Variants in DLGAP2 observed in about 807,000 individuals in gnomAD.
DLGAP2 encodes disks large-associated protein 2.
A neutral mutation model predicts 100.3 loss-of-function variants in DLGAP2; 26 were observed. The ratio of observed to expected loss-of-function variants is 0.26; its 90% CI spans 0.19 to 0.36. The LOEUF is 0.36. DLGAP2 is among the 10% of genes least tolerant of loss of function. DLGAP2 has a pLI of 1.00. For missense variants in DLGAP2, 1,858 were observed against 1,453.2 expected, an observed-to-expected ratio of 1.28 and a Z score of -4.53; for synonymous variants, 886 against 630.1, an observed-to-expected ratio of 1.41 and a Z score of -6.08.
intron 3 of DLGAP2, among the ~76,000 whole-genome samples, chr8:1,493,401 C>T (rs558752676): frequency 2.0e-5 from 3 of 152,044 alleles, no homozygotes; most frequent in East Asian, 1.9e-4. Flanking sequence ...CTCTGTGGAC[C>T]GAGCGCATAG....
At chr8:1,558,670 C>T (rs549522723) in intron 5 of DLGAP2, among the ~76,000 whole-genome samples, 2 of 151,376 alleles carry the variant, frequency 1.3e-5, no homozygotes, top group Admixed American at 6.6e-5. Flanking sequence ...TGCACATAGG[C>T]ATGCATGCAC....
chr8:1,104,626 G>C (rs1804695626), intron 2 of DLGAP2, among the ~76,000 whole-genome samples: 1 of 152,228 alleles, frequency 6.6e-6, no homozygotes, highest in South Asian at 2.1e-4. Context: ...TCCTTGGGCT[G>C]CTCCAGGAAA....
In DLGAP2 at chr8:1,413,298, G is replaced by A. The variant is rs78297947; in HGVS notation, c.107-88068G>A. Reference sequence around the variant, plus strand: ...CATAAAGATAGAAGGATGGGAAGCAGAATGAATAAATGGATAGATATTTTC... The same window carrying A: ...CATAAAGATAGAAGGATGGGAAGCAAAATGAATAAATGGATAGATATTTTC... On this transcript the variant is annotated intron_variant, in intron 3 of 14. Coordinates refer to ENST00000637795, the MANE Select transcript of DLGAP2 (RefSeq NM_001346810.2). Among the ~76,000 whole-genome samples, 533 of 152,276 alleles carry A rather than the reference G, an allele frequency of 3.5e-3. 10 individuals are homozygous for A. In the East Asian group the frequency reaches 0.047, roughly 14 times the overall value.
At position 1,418,871 on chromosome 8, in the gene DLGAP2, A is replaced by G. The variant is rs146659977; in HGVS notation, c.107-82495A>G. Reference sequence around the variant, plus strand: ...AAGTCTGGCTTCTGGCCCGCTGGCTAGAGATCATGGGTTCCCATGGCTCTA... The same window carrying G: ...AAGTCTGGCTTCTGGCCCGCTGGCTGGAGATCATGGGTTCCCATGGCTCTA... On this transcript the variant is annotated intron_variant, in intron 3 of 14. Coordinates refer to ENST00000637795, the MANE Select transcript of DLGAP2 (RefSeq NM_001346810.2). Among the ~76,000 whole-genome samples, 156 of 152,280 alleles carry G rather than the reference A, an allele frequency of 1.0e-3. No homozygotes were observed. The East Asian group carries it at 0.016, about 16-fold the overall frequency.
chr8:1,625,059 T>C (rs1797457733), intron 6 of DLGAP2, among the ~76,000 whole-genome samples: 1 of 152,236 alleles, frequency 6.6e-6, no homozygotes, highest in Admixed American at 6.5e-5. Flanking sequence ...TGATATTCCA[T>C]TTTTAAAGAC....
intron 2 of DLGAP2, among the ~76,000 whole-genome samples, chr8:1,242,782 A>G (rs540081469): frequency 1.9e-4 from 29 of 152,072 alleles, no homozygotes; most frequent in African/African-American, 7.0e-4. Flanking sequence ...ATGGATGGAT[A>G]GACGGACAGA....
At chr8:1,197,296 C>A (rs1003875182) in intron 2 of DLGAP2, among the ~76,000 whole-genome samples, 2 of 131,028 alleles carry the variant, frequency 1.5e-5, no homozygotes, top group Non-Finnish European at 3.3e-5. Flanking sequence ...ATCACTTATC[C>A]CTGTCCATGC....
intron 2 of DLGAP2, among the ~76,000 whole-genome samples, chr8:1,020,472 G>T (rs1363697441): frequency 6.6e-6 from 1 of 152,182 alleles, no homozygotes; most frequent in Non-Finnish European, 1.5e-5. Flanking sequence ...TCTTTTACAT[G>T]TATTATCGCA....
chr8:1,210,640 C>A (rs957220219), intron 2 of DLGAP2, among the ~76,000 whole-genome samples: 1 of 152,198 alleles, frequency 6.6e-6, no homozygotes, highest in Non-Finnish European at 1.5e-5. Flanking sequence ...TCCCTCTTGC[C>A]ATGGCTACTG....
intron 8 of DLGAP2, among the ~76,000 whole-genome samples, chr8:1,663,127 G>T (rs113589119): frequency 1.8e-4 from 19 of 106,028 alleles, no homozygotes; most frequent in South Asian, 1.0e-3. Context: ...CAGTGTGGGG[G>T]GTGTGTGTGT....
chr8:1,528,077 C>CGTGGCTTCCAGCCACTGCACGGCA (rs1800854744), intron 4 of DLGAP2, among the ~76,000 whole-genome samples: 1 of 152,234 alleles, frequency 6.6e-6, no homozygotes, highest in Admixed American at 6.5e-5. Context: ...CCATCAATAA[C>CGTGGCTTCCAGCCACTGCACGGCA]GTGGCTTCCA....
intron 6 of DLGAP2, among the ~76,000 whole-genome samples, chr8:1,624,570 G>A (rs369127797): frequency 1.3e-5 from 2 of 151,930 alleles, no homozygotes; most frequent in Non-Finnish European, 1.5e-5. Context: ...ACATTTTGCC[G>A]CTCTGTTGAA....
rs1231635036 is a variant in DLGAP2 at position 1,668,576 on chromosome 8, G to A, written c.2058G>A (p.Leu686=). 1 of 1,594,796 alleles carries A rather than the reference G, an allele frequency of 6.3e-7. No individual in the cohort carries two copies. Among genetic ancestry groups the A allele is most frequent in the Non-Finnish European group, 8.5e-7 (1 of 1,171,692 alleles). ...AAACGGCCGCTGCCCAGCGCCACCTGCCAGAGAGCCAGAGCAGCTCTGTGC... is the reference window on the plus strand; with the variant it reads ...AAACGGCCGCTGCCCAGCGCCACCTACCAGAGAGCCAGAGCAGCTCTGTGC... ...ALETAAAQRH[L]PESQSSSVRT... Residue 686 remains leucine (L), a synonymous_variant, in exon 9 of 15, where the codon CTG becomes CTA. Transcript: ENST00000637795.
intron 10 of DLGAP2, among the ~76,000 whole-genome samples, chr8:1,673,188 C>T (rs1798733017): frequency 6.6e-6 from 1 of 152,152 alleles, no homozygotes; most frequent in Admixed American, 6.5e-5. Flanking sequence ...CTCACTCCAG[C>T]CTCAAACTCG....
intron 2 of DLGAP2, among the ~76,000 whole-genome samples, chr8:1,096,306 G>A (rs1804364206): frequency 6.6e-6 from 1 of 152,220 alleles, no homozygotes; most frequent in African/African-American, 2.4e-5. Flanking sequence ...AAGGAAACTT[G>A]GATGCAGGAG....
intron 4 of DLGAP2, among the ~76,000 whole-genome samples, chr8:1,536,557 G>T (rs567272176): frequency 1.3e-5 from 2 of 152,254 alleles, no homozygotes; most frequent in South Asian, 4.2e-4. Context: ...CTGGCGTGAT[G>T]GACTTTGTGC....
At chr8:1,171,784 C>T (rs188311496) in intron 2 of DLGAP2, among the ~76,000 whole-genome samples, 7,767 of 151,970 alleles carry the variant, frequency 0.051, 248 homozygotes, top group African/African-American at 0.085. Flanking sequence ...TGTCTCTGCA[C>T]GTGAGATGGG....
At chr8:1,536,363 C>G (rs1460124824) in intron 4 of DLGAP2, among the ~76,000 whole-genome samples, 1 of 152,184 alleles carries the variant, frequency 6.6e-6, no homozygotes, top group Non-Finnish European at 1.5e-5. Context: ...AACTGCCTCT[C>G]ATTTCATACC....
At chr8:931,122 A>G (rs978629552) in intron 2 of DLGAP2, among the ~76,000 whole-genome samples, 1 of 152,056 alleles carries the variant, frequency 6.6e-6, no homozygotes, top group Non-Finnish European at 1.5e-5. Flanking sequence ...GGTAGGAGGT[A>G]TGTGTGAGAA....
Sources: gnomAD v4.1 joint callset for allele counts (sites outside exome capture counted in the v4.1 genomes callset) on GRCh38, gnomAD v4.1.1 for gene constraint, MANE v1.5 for transcripts, NCBI Gene and HGNC (gene_info 2026-07-23, HGNC 2026-07-21) for gene names.